TSHZ1: variants seen among roughly 807,000 people sequenced by gnomAD.
The protein encoded by TSHZ1 is teashirt zinc finger homeobox 1, also known as teashirt homolog 1.
In TSHZ1, 12 loss-of-function variants were observed where a neutral mutation model predicts 67.1. The ratio of observed to expected loss-of-function variants is 0.18; its 90% CI spans 0.11 to 0.29. The LOEUF is 0.29. Among genes scored for constraint, TSHZ1 ranks in the 10% least tolerant of loss-of-function variants. The pLI is 1.00. For missense variants in TSHZ1, 1,305 were observed against 1,413.9 expected, an observed-to-expected ratio of 0.92 and a Z score of 1.23; for synonymous variants, 632 against 622.4, an observed-to-expected ratio of 1.02 and a Z score of -0.23.
At chr18:75,240,651 T>C (rs1231701990) in intron 1 of TSHZ1, among the ~76,000 whole-genome samples, 1 of 152,218 alleles carries the variant, frequency 6.6e-6, no homozygotes, top group Non-Finnish European at 1.5e-5. Context: ...TTGTGTCAGC[T>C]GGTCCTCCTC....
intron 1 of TSHZ1, among the ~76,000 whole-genome samples, chr18:75,218,612 C>G (rs2022803464): frequency 6.6e-6 from 1 of 152,230 alleles, no homozygotes. Context: ...TAGCCAAGGG[C>G]AGGAGCCACA....
chr18:75,282,470 C>T (rs1047445321), intron 1 of TSHZ1, among the ~76,000 whole-genome samples: 2 of 152,130 alleles, frequency 1.3e-5, no homozygotes, highest in East Asian at 1.9e-4. Flanking sequence ...ATTGTGTCCC[C>T]GTCATTCATA....
chr18:75,233,062 C>A (rs193249381), intron 1 of TSHZ1, among the ~76,000 whole-genome samples: 2 of 152,312 alleles, frequency 1.3e-5, no homozygotes, highest in Non-Finnish European at 2.9e-5. Flanking sequence ...CTGTGTCCAG[C>A]AGCCTGGGAG....
At chr18:75,259,856 A>C (rs1349892759) in intron 1 of TSHZ1, among the ~76,000 whole-genome samples, 1 of 152,168 alleles carries the variant, frequency 6.6e-6, no homozygotes, top group Non-Finnish European at 1.5e-5. Flanking sequence ...TTTTATTTCC[A>C]AGGATATAAA....
In TSHZ1 at chr18:75,287,161, T is replaced by G. The variant is rs1404200685; in HGVS notation, c.1754T>G (p.Leu585Arg). 1.9e-6 allele frequency: 3 copies of G among 1,613,628 alleles called. No individual in the cohort carries two copies. In the East Asian group the frequency reaches 6.7e-5, roughly 36 times the overall value. The change falls in exon 2 of 2, where the codon CTC becomes CGC. Residue 585 changes from leucine (L) to arginine (R), a missense_variant. Physicochemically the swap from Leu to Arg is moderately radical, Grantham distance 102. Around this residue, in one of 3 missense-constraint regions of TSHZ1, gnomAD observed 909 missense variants for 961.8 expected, o/e 0.95. Transcript: ENST00000580243. The surrounding 1 kb of genome is among the most constrained non-coding windows in gnomAD (Gnocchi z 5.0). ...CCCAGCATCCATGCAGCCTACCAGCTCCCGGGCACCGTGAAGCCACTGCCG... is the reference window on the plus strand; with the variant it reads ...CCCAGCATCCATGCAGCCTACCAGCGCCCGGGCACCGTGAAGCCACTGCCG... ...GYPSIHAAYQ[L>R]PGTVKPLPAA...
At chr18:75,244,286 C>T (rs567600458) in intron 1 of TSHZ1, among the ~76,000 whole-genome samples, 8 of 152,266 alleles carry the variant, frequency 5.3e-5, no homozygotes, top group African/African-American at 1.2e-4. Context: ...ATATCACAAC[C>T]GGGTAAGGTT....
intron 1 of TSHZ1, among the ~76,000 whole-genome samples, chr18:75,233,375 G>A (rs62089810): frequency 0.24 from 35,872 of 152,028 alleles, 4,255 homozygotes; most frequent in East Asian, 0.33. Flanking sequence ...CCCTAACAAC[G>A]TTCCAGGATG....
chr18:75,216,918 C>T (rs1288471902), intron 1 of TSHZ1, among the ~76,000 whole-genome samples: 1 of 152,132 alleles, frequency 6.6e-6, no homozygotes, highest in African/African-American at 2.4e-5. Flanking sequence ...TGCATTTTCA[C>T]TCCAGCCAAA....
At chr18:75,246,403 G>GGTGTGTGTGT (rs74178999) in intron 1 of TSHZ1, among the ~76,000 whole-genome samples, 2,836 of 108,380 alleles carry the variant, frequency 0.026, 177 homozygotes, top group South Asian at 0.034. Context: ...TTTGGTTTCT[G>GGTGTGTGTGT]GTGTGTGTGT....
chr18:75,287,621 G>A lies in TSHZ1; in HGVS notation c.2214G>A (p.Pro738=), dbSNP rs748023738. 80 of 1,614,044 alleles carry A rather than the reference G, an allele frequency of 5.0e-5. No homozygotes were observed. Among genetic ancestry groups the A allele is most frequent in the South Asian group, 9.9e-5 (9 of 91,074 alleles). Residue 738 remains proline, a synonymous_variant, in exon 2 of 2, where the codon CCG becomes CCA. Transcript: ENST00000580243. This position sits in a 1 kb window ranked among gnomAD's most constrained non-coding sequence, Gnocchi z 5.0. ...NNLGIIMDHS[P]EPSFINPLSA... Reference sequence around the variant, plus strand: ...TGGGGATCATCATGGACCACTCACCGGAGCCTTCCTTCATCAACCCGCTGA... The same window carrying A: ...TGGGGATCATCATGGACCACTCACCAGAGCCTTCCTTCATCAACCCGCTGA...
chr18:75,227,086 C>T (rs548234429), intron 1 of TSHZ1, among the ~76,000 whole-genome samples: 1 of 152,142 alleles, frequency 6.6e-6, no homozygotes, highest in Non-Finnish European at 1.5e-5. Flanking sequence ...TGCATCTCCC[C>T]ACTTTCTAGC....
At chr18:75,261,116 C>G (rs2023425311) in intron 1 of TSHZ1, among the ~76,000 whole-genome samples, 1 of 151,786 alleles carries the variant, frequency 6.6e-6, no homozygotes, top group African/African-American at 2.4e-5. Context: ...CCGCGATGTA[C>G]CCGGAGGAGC....
intron 1 of TSHZ1, among the ~76,000 whole-genome samples, chr18:75,263,983 G>A (rs1395218984): frequency 1.3e-5 from 2 of 152,100 alleles, no homozygotes; most frequent in Non-Finnish European, 2.9e-5. Flanking sequence ...CTATTCCATT[G>A]TCCATCAATT....
In TSHZ1 at chr18:75,221,561, G is replaced by C. The variant is rs377296390; in HGVS notation, c.40+9645G>C. On this transcript the variant is annotated intron_variant, in intron 1 of 1. Coordinates refer to ENST00000580243, the MANE Select transcript of TSHZ1 (RefSeq NM_001308210.2). ...TATGCCTTATTGGCAAGTCATCCCT[G>C]GTGCCTGTGTCATTGTTATAGCTGG... Among the ~76,000 whole-genome samples, 170 of 152,306 alleles carry C rather than the reference G, an allele frequency of 1.1e-3. 3 individuals are homozygous for C. In the South Asian group the frequency reaches 0.033, roughly 29 times the overall value.
Position 75,289,913 on chromosome 18 carries a change from G to A in TSHZ1, c.*1272G>A, listed in dbSNP as rs1045775227. ...AATTAAATCCACTGTTTTCTCAGAT[G>A]TAAAATAAACCCACATGCAGTTCTT... On this transcript the variant is annotated 3_prime_UTR_variant, in exon 2 of 2. Coordinates refer to ENST00000580243, the MANE Select transcript of TSHZ1 (RefSeq NM_001308210.2). 6.0e-6 allele frequency: 1 copy of A among 167,020 alleles called. No homozygotes were observed. Among genetic ancestry groups the A allele is most frequent in the African/African-American group, 2.4e-5 (1 of 41,444 alleles). 10.3% of individuals were successfully genotyped at this position (167,020 alleles called of 1,614,324 possible).
At chr18:75,255,150 A>G (rs1599042596) in intron 1 of TSHZ1, among the ~76,000 whole-genome samples, 1 of 152,142 alleles carries the variant, frequency 6.6e-6, no homozygotes, top group Non-Finnish European at 1.5e-5. Context: ...TCTGACATGT[A>G]TATTTCCTTT....
At chr18:75,234,816 G>A (rs1228920963) in intron 1 of TSHZ1, among the ~76,000 whole-genome samples, 1 of 152,112 alleles carries the variant, frequency 6.6e-6, no homozygotes, top group Non-Finnish European at 1.5e-5. Flanking sequence ...CCCATTTGCT[G>A]TTCATAAAAC....
chr18:75,236,595 G>T (rs565738353), intron 1 of TSHZ1, among the ~76,000 whole-genome samples: 1 of 152,256 alleles, frequency 6.6e-6, no homozygotes, highest in East Asian at 1.9e-4. Flanking sequence ...ACAGCAGAAG[G>T]TTTGGAGTTT....
chr18:75,253,833 C>G (rs1162475283), intron 1 of TSHZ1, among the ~76,000 whole-genome samples: 1 of 152,202 alleles, frequency 6.6e-6, no homozygotes, highest in Non-Finnish European at 1.5e-5. Flanking sequence ...TTAGGGAAGG[C>G]CTTTTGCAGA....
Sources: allele counts gnomAD v4.1 joint callset (sites outside exome capture counted in the v4.1 genomes callset), GRCh38; gene constraint gnomAD v4.1.1; regional missense constraint gnomAD v4.1.1; non-coding constraint Gnocchi (gnomAD v3.1); transcripts MANE v1.5; gene names NCBI Gene and HGNC (gene_info 2026-07-23, HGNC 2026-07-21).